ARHGAP12: variants seen among roughly 807,000 people sequenced by gnomAD.
The protein encoded by ARHGAP12 is Rho GTPase activating protein 12.
In ARHGAP12, 64 loss-of-function variants were observed where a neutral mutation model predicts 108.6. The ratio of observed to expected loss-of-function variants is 0.59; its 90% CI spans 0.48 to 0.73. The LOEUF is 0.73. Among genes scored for constraint, ARHGAP12 ranks in the 30% least tolerant of loss-of-function variants. The pLI is 0.00. For synonymous variants in ARHGAP12, 312 were observed against 337.2 expected (o/e 0.93, Z 0.82); for missense variants, 940 against 1,005.9 (o/e 0.93, Z 0.89).
intron 13 of ARHGAP12, among the ~76,000 whole-genome samples, chr10:31,817,154 T>A (rs192585053): frequency 4.2e-4 from 64 of 152,070 alleles, no homozygotes; most frequent in African/African-American, 1.5e-3. Flanking sequence ...AAGGCTGCAG[T>A]GAGCTATGAC....
At chr10:31,867,140 A>G (rs1264570025) in intron 3 of ARHGAP12, among the ~76,000 whole-genome samples, 6 of 145,560 alleles carry the variant, frequency 4.1e-5, no homozygotes, top group East Asian at 2.0e-4. Context: ...TTTGAGACGG[A>G]GTCTTGCCCT....
At chr10:31,916,256 G>C (rs1308479759) in intron 1 of ARHGAP12, among the ~76,000 whole-genome samples, 4 of 152,012 alleles carry the variant, frequency 2.6e-5, no homozygotes, top group Non-Finnish European at 5.9e-5. Context: ...GCTGCTCTTA[G>C]CAGTCTCAAA....
intron 3 of ARHGAP12, among the ~76,000 whole-genome samples, chr10:31,881,261 T>A (rs1837944460): frequency 6.6e-6 from 1 of 151,916 alleles, no homozygotes; most frequent in South Asian, 2.1e-4. Flanking sequence ...GGCAGTATCA[T>A]GTTAAAAAAA....
At chr10:31,924,778 C>T (rs929306888) in intron 1 of ARHGAP12, among the ~76,000 whole-genome samples, 8 of 152,064 alleles carry the variant, frequency 5.3e-5, no homozygotes, top group Non-Finnish European at 1.0e-4. Context: ...AATTTTAAAT[C>T]TAGGCTTTAC....
chr10:31,852,538 C>T lies in ARHGAP12; in HGVS notation c.1149G>A (p.Arg383=), dbSNP rs907978909. Residue 383 remains arginine, a synonymous_variant, in exon 6 of 20, where the codon CGG becomes CGA. Coordinates refer to ENST00000344936, the MANE Select transcript of ARHGAP12 (RefSeq NM_018287.7). ...RQYYYSADGS[R]SEWELPKYNA... Reference sequence around the variant, plus strand: ...TTACCTTTGGCAATTCCCATTCTGACCGAGATCCGTCTGCACTGTAGTAAT... The same window carrying T: ...TTACCTTTGGCAATTCCCATTCTGATCGAGATCCGTCTGCACTGTAGTAAT... The T allele has an allele frequency of 1.9e-6, 3 of 1,612,690 alleles. No individual in the cohort carries two copies. Among genetic ancestry groups the T allele is most frequent in the East Asian group, 2.2e-5 (1 of 44,820 alleles).
chr10:31,901,497 T>C (rs1429771442), intron 3 of ARHGAP12, among the ~76,000 whole-genome samples: 3 of 133,562 alleles, frequency 2.2e-5, no homozygotes, highest in South Asian at 4.6e-4. Context: ...CACATCACTG[T>C]ACTCCAGGCT....
chr10:31,877,852 G>A (rs1045931772), intron 3 of ARHGAP12, among the ~76,000 whole-genome samples: 1 of 152,206 alleles, frequency 6.6e-6, no homozygotes, highest in Non-Finnish European at 1.5e-5. Context: ...AGTACTTTGG[G>A]AAGTCAAGGC....
chr10:31,860,194 C>T (rs997609286), intron 4 of ARHGAP12, among the ~76,000 whole-genome samples: 11 of 152,140 alleles, frequency 7.2e-5, no homozygotes, highest in Non-Finnish European at 2.9e-5. Context: ...AAAAATGGGA[C>T]AAGAAGGGAG....
At chr10:31,813,349 T>C (rs1029297222) in intron 14 of ARHGAP12, among the ~76,000 whole-genome samples, 1 of 152,206 alleles carries the variant, frequency 6.6e-6, no homozygotes, top group Non-Finnish European at 1.5e-5. Context: ...TAATTATTTG[T>C]ACTCTAAGCT....
At chr10:31,820,773 G>A (rs1835387411) in intron 11 of ARHGAP12, among the ~76,000 whole-genome samples, 1 of 149,722 alleles carries the variant, frequency 6.7e-6, no homozygotes, top group African/African-American at 2.4e-5. Context: ...CCACCAGAGT[G>A]GGAAAAAATT....
chr10:31,895,715 T>C lies in ARHGAP12; in HGVS notation c.684+12457A>G, dbSNP rs1230113276. 3.9e-5 allele frequency among the ~76,000 whole-genome samples: 6 copies of C among 152,194 alleles called. No homozygotes were observed. In the East Asian group the frequency reaches 1.2e-3, roughly 29 times the overall value. ...AAGGATCTAGAACTAGAAATACCAT[T>C]TGACCCAGCCAACCCATTACTGGGT... On this transcript the variant is annotated intron_variant, in intron 3 of 19. Transcript: ENST00000344936.
chr10:31,869,356 C>T (rs1262759788), intron 3 of ARHGAP12, among the ~76,000 whole-genome samples: 6 of 152,048 alleles, frequency 3.9e-5, no homozygotes, highest in South Asian at 2.1e-4. Context: ...GGCCAACATG[C>T]TGAAACCCTG....
chr10:31,914,239 C>G (rs1839468901), intron 1 of ARHGAP12, among the ~76,000 whole-genome samples: 1 of 152,064 alleles, frequency 6.6e-6, no homozygotes. Flanking sequence ...AAAGTCCTTG[C>G]CCAGACTAAT....
rs1835600091 is a variant in ARHGAP12 at position 31,826,230 on chromosome 10, C to T, written c.1530+74G>A. ...ATAACTATAAGGACTCTGGAAATTA[C>T]CTCCTGAAATTCAGGTACGATACTA... On this transcript the variant is annotated intron_variant, in intron 11 of 19. Transcript: ENST00000344936. 3.4e-6 allele frequency: 4 copies of T among 1,171,418 alleles called. No individual in the cohort carries two copies. In the African/African-American group the frequency reaches 4.7e-5, roughly 14 times the overall value. The allele number at this position is 1,171,418 out of a possible 1,614,324, so 72.6% of individuals were successfully genotyped here. A position where few individuals can be genotyped will look rare whatever the true frequency, so the allele number is the denominator to read the frequency against.
chr10:31,874,396 T>C (rs2132344141), intron 3 of ARHGAP12, among the ~76,000 whole-genome samples: 1 of 152,348 alleles, frequency 6.6e-6, no homozygotes, highest in South Asian at 2.1e-4. Flanking sequence ...TCTAACTTAC[T>C]ATCTGTACCA....
intron 5 of ARHGAP12, among the ~76,000 whole-genome samples, chr10:31,852,976 C>T (rs1013744922): frequency 5.9e-5 from 9 of 152,254 alleles, no homozygotes; most frequent in African/African-American, 1.9e-4. Context: ...GATCCGCCTG[C>T]CTCGGCCTCC....
intron 10 of ARHGAP12, among the ~76,000 whole-genome samples, chr10:31,831,264 C>T (rs752826613): frequency 5.8e-4 from 88 of 152,282 alleles, no homozygotes; most frequent in South Asian, 1.9e-3. Flanking sequence ...GTGAAACCAT[C>T]TCCAAGATAA....
intron 6 of ARHGAP12, among the ~76,000 whole-genome samples, chr10:31,851,837 A>T (rs1454385424): frequency 6.6e-6 from 1 of 152,220 alleles, no homozygotes; most frequent in Non-Finnish European, 1.5e-5. Context: ...AAGTATATGT[A>T]ACAACTGACA....
chr10:31,818,295 T>C (rs1478797962), intron 12 of ARHGAP12, among the ~76,000 whole-genome samples: 1 of 152,222 alleles, frequency 6.6e-6, no homozygotes, highest in African/African-American at 2.4e-5. Flanking sequence ...TCTGTCTCTC[T>C]GGCTAAAAAA....
Sources: gnomAD v4.1 joint callset for allele counts (sites outside exome capture counted in the v4.1 genomes callset) on GRCh38, gnomAD v4.1.1 for gene constraint, MANE v1.5 for transcripts, NCBI Gene and HGNC (gene_info 2026-07-23, HGNC 2026-07-21) for gene names.